THSD7B: variants seen among roughly 807,000 people sequenced by gnomAD.
The protein encoded by THSD7B is thrombospondin type-1 domain-containing protein 7B.
In THSD7B, 138 loss-of-function variants were observed where a neutral mutation model predicts 213.6. That is an observed-to-expected ratio of 0.65 (90% CI 0.56 to 0.74). The LOEUF is 0.74. THSD7B is among the 30% of genes least tolerant of loss of function. THSD7B has a pLI of 0.00. For missense variants in THSD7B, 1,931 were observed against 1,991.5 expected (o/e 0.97, Z 0.58); for synonymous variants, 742 against 687.0 (o/e 1.08, Z -1.25).
chr2:137,429,331 GA>G (rs1188716624), intron 14 of THSD7B, among the ~76,000 whole-genome samples: 14 of 152,098 alleles, frequency 9.2e-5, no homozygotes, highest in African/African-American at 3.4e-4. Flanking sequence ...GTAAAGCTGT[GA>G]AAAATTAAGT....
intron 12 of THSD7B, among the ~76,000 whole-genome samples, chr2:137,291,981 A>G (rs1225638925): frequency 6.6e-6 from 1 of 152,134 alleles, no homozygotes; most frequent in Non-Finnish European, 1.5e-5. Flanking sequence ...CATTTGCAAC[A>G]TCTGAAGACA....
chr2:136,780,153 C>A (rs1211482123), intron 1 of THSD7B, among the ~76,000 whole-genome samples: 1 of 152,118 alleles, frequency 6.6e-6, no homozygotes, highest in African/African-American at 2.4e-5. Context: ...ATAATTTACT[C>A]TCTCACAGTT....
chr2:137,088,214 T>G (rs2104911227), intron 3 of THSD7B, among the ~76,000 whole-genome samples: 1 of 151,942 alleles, frequency 6.6e-6, no homozygotes, highest in South Asian at 2.1e-4. Flanking sequence ...CACTCCAGCC[T>G]GGGTGACAGA....
At chr2:137,227,762 C>CTATGAAACTGTTAATTGTCA in intron 7 of THSD7B, among the ~76,000 whole-genome samples, 1 of 152,080 alleles carries the variant, frequency 6.6e-6, no homozygotes, top group Non-Finnish European at 1.5e-5. Flanking sequence ...GTAAACCAAT[C>CTATGAAACTGTTAATTGTCA]TATGAAACTG....
chr2:136,806,490 CAACTT>C lies in THSD7B; in HGVS notation c.-36+40805_-36+40809del, dbSNP rs984529633. On this transcript the variant is annotated intron_variant, in intron 1 of 27. Coordinates refer to ENST00000409968, the MANE Select transcript of THSD7B (RefSeq NM_001316349.2). ...TAATAAATGATAATGGGATATGACA[CAACTT>C]AGCAAGAAGAGTGAAAAACATATTA... Among the ~76,000 whole-genome samples, 11 of 152,300 alleles carry C rather than the reference CAACTT, an allele frequency of 7.2e-5. No homozygotes were observed. The South Asian group carries it at 8.3e-4, about 11-fold the overall frequency.
At chr2:136,861,783 G>A (rs1683262803) in intron 1 of THSD7B, among the ~76,000 whole-genome samples, 1 of 152,166 alleles carries the variant, frequency 6.6e-6, no homozygotes, top group African/African-American at 2.4e-5. Context: ...TAAACATTTA[G>A]CATCTCACAC....
At chr2:137,409,978 G>A (rs1208152948) in intron 13 of THSD7B, among the ~76,000 whole-genome samples, 1 of 152,124 alleles carries the variant, frequency 6.6e-6, no homozygotes, top group East Asian at 1.9e-4. Context: ...AGAATCCAGG[G>A]TTAAGTGGGT....
intron 12 of THSD7B, among the ~76,000 whole-genome samples, chr2:137,308,672 A>T (rs903312264): frequency 6.6e-6 from 1 of 152,070 alleles, no homozygotes; most frequent in African/African-American, 2.4e-5. Context: ...TTTTGAAAAA[A>T]ATCCCATTGT....
chr2:137,249,298 G>C (rs969219994), intron 10 of THSD7B, among the ~76,000 whole-genome samples: 4 of 150,922 alleles, frequency 2.7e-5, no homozygotes, highest in Admixed American at 2.0e-4. Context: ...TTAAAACCCC[G>C]CATAAGAAGT....
At chr2:136,947,899 G>T (rs1684971312) in intron 2 of THSD7B, among the ~76,000 whole-genome samples, 1 of 152,122 alleles carries the variant, frequency 6.6e-6, no homozygotes, top group Non-Finnish European at 1.5e-5. Flanking sequence ...GGTCCAACTT[G>T]CAGGGAAGTG....
At chr2:137,439,884 GCA>G (rs959492379) in intron 14 of THSD7B, among the ~76,000 whole-genome samples, 2 of 151,926 alleles carry the variant, frequency 1.3e-5, no homozygotes, top group African/African-American at 2.4e-5. Context: ...CTGGATAACC[GCA>G]CAGTCAGGCA....
At chr2:137,312,718 G>A (rs879751988) in intron 12 of THSD7B, among the ~76,000 whole-genome samples, 18,973 of 144,424 alleles carry the variant, frequency 0.13, 1,582 homozygotes, top group Non-Finnish European at 0.19. Context: ...CTTTGTTCTC[G>A]TTGGTTTCAA....
rs186663387 is a variant in THSD7B, at chr2:136,855,580, C to T, written c.-35-26564C>T. Among the ~76,000 whole-genome samples, 609 of 130,516 alleles carry T rather than the reference C, an allele frequency of 4.7e-3. 3 individuals carry two copies. The highest frequency in any genetic ancestry group is 0.015 in the African/African-American group (542 of 35,120). The allele number at this position is 130,516 out of a possible 152,430, so 85.6% of individuals were successfully genotyped here. A position where few individuals can be genotyped will look rare whatever the true frequency, so the allele number is the denominator to read the frequency against. Reference sequence around the variant, plus strand: ...AGCTGGGATTACAGGTGCGTGCCACCGCATCCGGCTATTATTTATTTATTA... The same window carrying T: ...AGCTGGGATTACAGGTGCGTGCCACTGCATCCGGCTATTATTTATTTATTA... On this transcript the variant is annotated intron_variant, in intron 1 of 27. Transcript: ENST00000409968.
chr2:137,229,467 A>G (rs1573899995), intron 7 of THSD7B, among the ~76,000 whole-genome samples: 1 of 152,232 alleles, frequency 6.6e-6, no homozygotes, highest in East Asian at 1.9e-4. Flanking sequence ...TAGAACGTCT[A>G]TTACTTCTCA....
chr2:137,108,553 T>G (rs1310959088), intron 4 of THSD7B, among the ~76,000 whole-genome samples: 1 of 152,214 alleles, frequency 6.6e-6, no homozygotes, highest in East Asian at 1.9e-4. Flanking sequence ...AGTTGTTTAA[T>G]TCTAACTACG....
chr2:136,781,447 AT>A (rs112301390), intron 1 of THSD7B, among the ~76,000 whole-genome samples: 31,917 of 149,244 alleles, frequency 0.21, 3,944 homozygotes, highest in East Asian at 0.4. Flanking sequence ...TTTTTTTTAA[AT>A]TTTTTTAGAG....
chr2:137,034,573 C>T, intron 2 of THSD7B, among the ~76,000 whole-genome samples: 1 of 152,052 alleles, frequency 6.6e-6, no homozygotes, highest in Non-Finnish European at 1.5e-5. Flanking sequence ...TCCTAATGCT[C>T]TCCCTTCCCT....
At chr2:137,479,173 C>T (rs1001103499) in intron 15 of THSD7B, among the ~76,000 whole-genome samples, 3 of 152,176 alleles carry the variant, frequency 2.0e-5, no homozygotes, top group Non-Finnish European at 4.4e-5. Context: ...GTGGTCTACA[C>T]TAGTGTTAGT....
chr2:137,132,007 C>T (rs977951539), intron 5 of THSD7B, among the ~76,000 whole-genome samples: 1 of 150,392 alleles, frequency 6.6e-6, no homozygotes, highest in African/African-American at 2.4e-5. Flanking sequence ...TCTTCCTACC[C>T]ATGAGCATGG....
Sources: gnomAD v4.1 joint callset for allele counts (sites outside exome capture counted in the v4.1 genomes callset) on GRCh38, gnomAD v4.1.1 for gene constraint, MANE v1.5 for transcripts, NCBI Gene and HGNC (gene_info 2026-07-23, HGNC 2026-07-21) for gene names.